EVPLL: variants seen among roughly 807,000 people sequenced by gnomAD.
EVPLL encodes the protein envoplakin-like protein.
A neutral mutation model predicts 46.2 loss-of-function variants in EVPLL; 39 were observed. That is an observed-to-expected ratio of 0.84 (90% CI 0.65 to 1.10). The LOEUF (loss-of-function observed/expected upper bound fraction) is 1.10. Among genes scored for constraint, EVPLL ranks in the 50% least tolerant of loss-of-function variants. EVPLL has a pLI of 0.00. For missense variants in EVPLL, 385 were observed against 412.6 expected (o/e 0.93, Z 0.58); for synonymous variants, 156 against 165.8 (o/e 0.94, Z 0.46).
chr17:18,381,432 G>A lies in EVPLL; in HGVS notation c.129G>A (p.Lys43=), dbSNP rs767605022. ...AGCAGGAGACGGGCAGCAGCCTGAA[G>A]GAGGCCGAGGTGCTGCTCAAGGACC... The part of the protein sequence containing the change: ...QHQQETGSSL[K]EAEVLLKDLF... Residue 43 remains lysine (K), a synonymous_variant, in exon 3 of 11, where the codon AAG becomes AAA. Transcript: ENST00000399134. The surrounding 1 kb of genome is among the most constrained non-coding windows in gnomAD (Gnocchi z 4.2). The A allele has an allele frequency of 6.8e-6, 11 of 1,611,426 alleles. No homozygotes were observed. The highest frequency in any genetic ancestry group is 1.3e-5 in the African/African-American group (1 of 74,834).
intron 1 of EVPLL, among the ~76,000 whole-genome samples, chr17:18,379,505 C>T (rs1221506805): frequency 6.6e-6 from 1 of 152,206 alleles, no homozygotes; most frequent in African/African-American, 2.4e-5. Context: ...TCCCAGGAGG[C>T]GGGACCTGAG....
intron 1 of EVPLL, chr17:18,379,846 C>G (rs1987500991): frequency 6.6e-6 from 1 of 152,216 alleles, no homozygotes; most frequent in Non-Finnish European, 1.5e-5. Flanking sequence ...AATTAATGCT[C>G]ACAATAGCCC....
Position 18,384,043 on chromosome 17 carries a change from C to G in EVPLL, c.876+456C>G, listed in dbSNP as rs149213808. 2.9e-3 allele frequency among the ~76,000 whole-genome samples: 446 copies of G among 152,284 alleles called. 2 individuals carry two copies. The highest frequency in any genetic ancestry group is 6.9e-3 in the Admixed American group (106 of 15,292). On this transcript the variant is annotated intron_variant, in intron 9 of 10. Transcript: ENST00000399134. ...AGGGAAGGAAAGGCATGGGCACATT[C>G]TCAACAGGGTGAAGCCGTTCCCAGG... is the stretch of plus-strand genomic sequence containing the variant.
intron 9 of EVPLL, among the ~76,000 whole-genome samples, chr17:18,384,104 CTG>C (rs1987693093): frequency 6.6e-6 from 1 of 152,270 alleles, no homozygotes; most frequent in Non-Finnish European, 1.5e-5. Flanking sequence ...AGAAAAGTAA[CTG>C]TTTTTATGCA....
chr17:18,381,963 G>A lies in EVPLL; in HGVS notation c.346+233G>A. On this transcript the variant is annotated intron_variant, in intron 4 of 10. Transcript: ENST00000399134. The surrounding 1 kb of genome is among the most constrained non-coding windows in gnomAD (Gnocchi z 4.2). Reference sequence around the variant, plus strand: ...GGTTGGGTCAGGGTGAAGTAGTGAGGAGAGGACAATTCCAGAAAGAAGGAG... The same window carrying A: ...GGTTGGGTCAGGGTGAAGTAGTGAGAAGAGGACAATTCCAGAAAGAAGGAG... 3 of 614,036 alleles carry A rather than the reference G, an allele frequency of 4.9e-6. No individual in the cohort carries two copies. The highest frequency in any genetic ancestry group is 8.3e-6 in the Non-Finnish European group (3 of 360,272). 38.0% of individuals were successfully genotyped at this position (614,036 alleles called of 1,614,324 possible).
intron 9 of EVPLL, among the ~76,000 whole-genome samples, chr17:18,387,356 C>T (rs34769815): frequency 0.58 from 86,137 of 147,370 alleles, 25,221 homozygotes; most frequent in African/African-American, 0.65. Flanking sequence ...GTCATGACCG[C>T]TTTAATCTGA....
rs1184076872 is a variant in EVPLL, at chr17:18,388,963, A to T, written c.*147A>T. 1.4e-5 allele frequency: 2 copies of T among 141,786 alleles called. No individual in the cohort carries two copies. The highest frequency in any genetic ancestry group is 3.1e-5 in the Non-Finnish European group (2 of 64,634). The allele number at this position is 141,786 out of a possible 1,614,324, so 8.8% of individuals were successfully genotyped here. A position where few individuals can be genotyped will look rare whatever the true frequency, so the allele number is the denominator to read the frequency against. On this transcript the variant is annotated 3_prime_UTR_variant, in exon 11 of 11. Coordinates refer to ENST00000399134, the MANE Select transcript of EVPLL (RefSeq NM_001145127.2). ...CAGAGGCAGTGCTGCAGCTAGAGGT[A>T]GCTCCAGAGTCCTCCGGGCCCTGCA...
intron 1 of EVPLL, among the ~76,000 whole-genome samples, chr17:18,378,922 A>G (rs1024010570): frequency 1.5e-4 from 23 of 152,240 alleles, no homozygotes; most frequent in Admixed American, 1.4e-3. Flanking sequence ...TATAAAAAAT[A>G]TACAAAAATT....
Position 18,387,505 on chromosome 17 carries a change from G to A in EVPLL, c.877-714G>A, listed in dbSNP as rs140975851. Among the ~76,000 whole-genome samples, 246 of 114,550 alleles carry A rather than the reference G, an allele frequency of 2.1e-3. 1 individual carries two copies. The highest frequency in any genetic ancestry group is 7.8e-3 in the African/African-American group (227 of 29,152). The allele number at this position is 114,550 out of a possible 152,430, so 75.1% of individuals were successfully genotyped here. The stretch of plus-strand genomic sequence containing the variant: ...AAGCATCTTGGGCTTCGTGGACCCT[G>A]TGGTCTTTGTTGCACCTACTCAGCA... On this transcript the variant is annotated intron_variant, in intron 9 of 10. Transcript: ENST00000399134.
Position 18,377,854 on chromosome 17 carries a change from C to A in EVPLL, c.-166C>A. On this transcript the variant is annotated 5_prime_UTR_variant, in exon 1 of 11. Transcript: ENST00000399134. ...CTCCTGCCCTCCTTCACCAGCCAAG[C>A]CCAGCCTGAGCCAGCACCTGCCTTT... 1 of 861,612 alleles carries A rather than the reference C, an allele frequency of 1.2e-6. No homozygotes were observed. 53.4% of individuals were successfully genotyped at this position (861,612 alleles called of 1,614,324 possible).
Position 18,384,453 on chromosome 17 carries a change from G to T in EVPLL, c.876+866G>T, listed in dbSNP as rs143413476. Reference sequence around the variant, plus strand: ...TCTGTCTTAAAAAAAAAAAAATCCTGGTGCAATACCTCATGCCTGCAATCC... The same window carrying T: ...TCTGTCTTAAAAAAAAAAAAATCCTTGTGCAATACCTCATGCCTGCAATCC... On this transcript the variant is annotated intron_variant, in intron 9 of 10. Transcript: ENST00000399134. Among the ~76,000 whole-genome samples the T allele has an allele frequency of 5.2e-3, 774 of 149,424 alleles. 7 individuals are homozygous for T. The highest frequency in any genetic ancestry group is 0.019 in the African/African-American group (748 of 40,300).
chr17:18,381,635 AGTGTGCGGAGTACT>A lies in EVPLL; in HGVS notation c.255_268del (p.Ala86ProfsTer81). 1 of 1,614,118 alleles carries A rather than the reference AGTGTGCGGAGTACT, an allele frequency of 6.2e-7. No homozygotes were observed. On this transcript the variant is annotated frameshift_variant, in exon 4 of 11. Coordinates refer to ENST00000399134, the MANE Select transcript of EVPLL (RefSeq NM_001145127.2). LOFTEE classifies it high-confidence loss of function. This position sits in a 1 kb window ranked among gnomAD's most constrained non-coding sequence, Gnocchi z 4.2. Reference sequence around the variant, plus strand: ...CAGCTGCACGAGCGGGTGACCCAGGAGTGTGCGGAGTACTGTGCCCTGTACGAGAAGATGGTGCT... The same window carrying A: ...CAGCTGCACGAGCGGGTGACCCAGGAGTGCCCTGTACGAGAAGATGGTGCT...
In EVPLL at chr17:18,383,135, G is replaced by A. The variant is rs751524636; in HGVS notation, c.622G>A (p.Asp208Asn). 26 of 1,551,222 alleles carry A rather than the reference G, an allele frequency of 1.7e-5. No individual in the cohort carries two copies. The highest frequency in any genetic ancestry group is 2.2e-5 in the Non-Finnish European group (25 of 1,154,506). ...AEQQRRILQQ[D>N]WSDLMADPAG... Reference sequence around the variant, plus strand: ...GCAGCAGCGCCGCATCCTGCAGCAGGACTGGAGCGACCTCATGGCCGACCC... The same window carrying A: ...GCAGCAGCGCCGCATCCTGCAGCAGAACTGGAGCGACCTCATGGCCGACCC... The change falls in exon 7 of 11, where the codon GAC becomes AAC. Residue 208 changes from aspartate to asparagine, a missense_variant. Asp to Asn is a conservative substitution (Grantham distance 23). Coordinates refer to ENST00000399134, the MANE Select transcript of EVPLL (RefSeq NM_001145127.2).
intron 1 of EVPLL, 44 bp from the exon 2 acceptor site, chr17:18,380,858 G>T: frequency 6.7e-7 from 1 of 1,503,280 alleles, no homozygotes. Flanking sequence ...GGCACAGAGG[G>T]GCCTCTTCCA....
chr17:18,383,715 G>C, intron 9 of EVPLL, 128 bp downstream of exon 9: 1 of 815,318 alleles, frequency 1.2e-6, no homozygotes, highest in Non-Finnish European at 2.0e-6. Context: ...GCTCACACCT[G>C]TAATCCCAGC....
chr17:18,387,120 C>T (rs1294031080), intron 9 of EVPLL, among the ~76,000 whole-genome samples: 1 of 149,738 alleles, frequency 6.7e-6, no homozygotes, highest in Admixed American at 6.6e-5. Flanking sequence ...AGGATGGTCT[C>T]AATCTCCTGA....
At chr17:18,379,254 A>G (rs1408046988) in intron 1 of EVPLL, among the ~76,000 whole-genome samples, 1 of 152,238 alleles carries the variant, frequency 6.6e-6, no homozygotes, top group Admixed American at 6.5e-5. Flanking sequence ...AGGAGGCAGC[A>G]GCCCGCCTGG....
intron 1 of EVPLL, among the ~76,000 whole-genome samples, chr17:18,379,237 T>A (rs2151626036): frequency 1.3e-5 from 2 of 152,312 alleles, no homozygotes; most frequent in South Asian, 4.1e-4. Context: ...CTTCAGCTCA[T>A]CTGCAGAGGA....
At chr17:18,378,540 G>A (rs1279956319) in intron 1 of EVPLL, among the ~76,000 whole-genome samples, 1 of 152,142 alleles carries the variant, frequency 6.6e-6, no homozygotes, top group Non-Finnish European at 1.5e-5. Context: ...GGCTGGGCGC[G>A]GTAGCTCACG....
Sources: allele counts gnomAD v4.1 joint callset (sites outside exome capture counted in the v4.1 genomes callset), GRCh38; gene constraint gnomAD v4.1.1; non-coding constraint Gnocchi (gnomAD v3.1); transcripts MANE v1.5; gene names NCBI Gene and HGNC (gene_info 2026-07-23, HGNC 2026-07-21).